Variants in LRRC4C observed in about 807,000 individuals in gnomAD.
LRRC4C encodes leucine-rich repeat-containing protein 4C.
Under a neutral mutation model 33.6 loss-of-function variants are expected in LRRC4C, and 5 were observed. The ratio of observed to expected loss-of-function variants is 0.15; its 90% CI spans 0.08 to 0.31. The LOEUF (loss-of-function observed/expected upper bound fraction) is 0.31. LRRC4C is among the 10% of genes least tolerant of loss of function. The pLI is 1.00. For missense variants in LRRC4C, 560 were observed against 796.7 expected, an observed-to-expected ratio of 0.70 and a Z score of 3.58; for synonymous variants, 329 against 302.0, an observed-to-expected ratio of 1.09 and a Z score of -0.93.
At chr11:40,407,707 T>C (rs1053313427) in intron 3 of LRRC4C, among the ~76,000 whole-genome samples, 2 of 152,132 alleles carry the variant, frequency 1.3e-5, no homozygotes, top group Admixed American at 1.3e-4. Flanking sequence ...TGACATACTT[T>C]TGTATTTAAC....
At chr11:41,339,617 G>A (rs540233630) in intron 1 of LRRC4C, among the ~76,000 whole-genome samples, 1 of 152,244 alleles carries the variant, frequency 6.6e-6, no homozygotes, top group East Asian at 1.9e-4. Flanking sequence ...GTGAGACGGA[G>A]ATCTTAAAAT....
In LRRC4C at chr11:40,690,298, C is replaced by G. The variant is rs148537179; in HGVS notation, c.-406-42020G>C. Among the ~76,000 whole-genome samples, 1,067 of 152,138 alleles carry G rather than the reference C, an allele frequency of 7.0e-3. 12 individuals carry two copies. The highest frequency in any genetic ancestry group is 0.025 in the African/African-American group (1,024 of 41,520). On this transcript the variant is annotated intron_variant, in intron 2 of 6. Coordinates refer to ENST00000528697, the MANE Select transcript of LRRC4C (RefSeq NM_001258419.2). ...CCATTTTACAATGTGGAAACTAAGG[C>G]TCAAAGAAGTTAAGAAATATGCCAA...
At position 41,036,517 on chromosome 11, in the gene LRRC4C, AG is replaced by A. The variant is rs548108291; in HGVS notation, c.-495-102795del. 1.2e-4 allele frequency among the ~76,000 whole-genome samples: 19 copies of A among 152,298 alleles called. No homozygotes were observed. In the South Asian group the frequency reaches 3.7e-3, roughly 30 times the overall value. On this transcript the variant is annotated intron_variant, in intron 1 of 6. Coordinates refer to ENST00000528697, the MANE Select transcript of LRRC4C (RefSeq NM_001258419.2). The stretch of plus-strand genomic sequence containing the variant: ...GATGCAAGAAGATTCAATAATTCAA[AG>A]GGTTGATAATAACCTGGAATCTGCT...
intron 2 of LRRC4C, among the ~76,000 whole-genome samples, chr11:40,732,955 T>TGAGGACTGTA (rs1214048827): frequency 6.6e-6 from 1 of 151,668 alleles, no homozygotes; most frequent in Non-Finnish European, 1.5e-5. Context: ...ATTTTACAGA[T>TGAGGACTGTA]GAGGACTGTA....
At chr11:40,801,536 T>C (rs924471935) in intron 2 of LRRC4C, among the ~76,000 whole-genome samples, 1 of 152,334 alleles carries the variant, frequency 6.6e-6, no homozygotes, top group African/African-American at 2.4e-5. Context: ...TGTTTACCAC[T>C]GTATGCTGTA....
At chr11:41,246,903 T>C (rs1025192992) in intron 1 of LRRC4C, among the ~76,000 whole-genome samples, 9 of 152,208 alleles carry the variant, frequency 5.9e-5, no homozygotes, top group African/African-American at 1.9e-4. Context: ...TTCTGAATTA[T>C]AAGAAACACC....
At chr11:41,145,473 G>A (rs1943688651) in intron 1 of LRRC4C, among the ~76,000 whole-genome samples, 1 of 117,512 alleles carries the variant, frequency 8.5e-6, no homozygotes, top group African/African-American at 3.0e-5. Flanking sequence ...TATAAATAAG[G>A]TTTTATTGAA....
chr11:41,188,899 C>T (rs1358689577), intron 1 of LRRC4C, among the ~76,000 whole-genome samples: 2 of 116,452 alleles, frequency 1.7e-5, no homozygotes, highest in African/African-American at 7.0e-5. Flanking sequence ...AAAACAGGAC[C>T]TGCCCCCCCC....
intron 1 of LRRC4C, among the ~76,000 whole-genome samples, chr11:41,151,899 A>G (rs1412147284): frequency 6.6e-6 from 1 of 152,232 alleles, no homozygotes; most frequent in African/African-American, 2.4e-5. Flanking sequence ...GTCTAATGTA[A>G]AAAGTTCAGC....
intron 1 of LRRC4C, among the ~76,000 whole-genome samples, chr11:40,988,986 C>T (rs1853303778): frequency 6.6e-6 from 1 of 151,986 alleles, no homozygotes; most frequent in African/African-American, 2.4e-5. Context: ...TCCTAAAGTG[C>T]TAGGATTACA....
At chr11:40,510,640 T>C (rs1276199103) in intron 3 of LRRC4C, among the ~76,000 whole-genome samples, 1 of 152,196 alleles carries the variant, frequency 6.6e-6, no homozygotes, top group Non-Finnish European at 1.5e-5. Context: ...AGCAAAATCA[T>C]TTTATATGTG....
At chr11:40,979,985 C>T (rs1272397279) in intron 1 of LRRC4C, among the ~76,000 whole-genome samples, 1 of 152,122 alleles carries the variant, frequency 6.6e-6, no homozygotes, top group Non-Finnish European at 1.5e-5. Context: ...ATTTCTGCGA[C>T]ATTTAGGTGG....
chr11:41,093,038 G>A (rs184077701), intron 1 of LRRC4C, among the ~76,000 whole-genome samples: 42 of 152,046 alleles, frequency 2.8e-4, no homozygotes, highest in African/African-American at 8.9e-4. Flanking sequence ...CAGTAGTAAC[G>A]GTATTATGTT....
intron 1 of LRRC4C, among the ~76,000 whole-genome samples, chr11:41,064,776 C>CAGA (rs1345214671): frequency 6.6e-6 from 1 of 152,188 alleles, no homozygotes; most frequent in Non-Finnish European, 1.5e-5. Flanking sequence ...ACAGAGGGAG[C>CAGA]AGAAGCAGGG....
At chr11:41,079,597 G>C (rs1032299372) in intron 1 of LRRC4C, among the ~76,000 whole-genome samples, 4 of 152,108 alleles carry the variant, frequency 2.6e-5, no homozygotes, top group Non-Finnish European at 4.4e-5. Flanking sequence ...CTATCAGTGA[G>C]CTTATTCGTA....
chr11:41,418,069 C>T (rs1471279878), intron 1 of LRRC4C, among the ~76,000 whole-genome samples: 1 of 151,774 alleles, frequency 6.6e-6, no homozygotes, highest in African/African-American at 2.4e-5. Flanking sequence ...AATTACTTGG[C>T]TAGCTCAAAT....
chr11:40,886,546 C>T (rs1018551908), intron 2 of LRRC4C, among the ~76,000 whole-genome samples: 1 of 151,582 alleles, frequency 6.6e-6, no homozygotes, highest in Non-Finnish European at 1.5e-5. Context: ...AAAGGGAGTT[C>T]TCTCTTTTTT....
intron 5 of LRRC4C, among the ~76,000 whole-genome samples, chr11:40,171,044 T>C (rs2135431494): frequency 6.6e-6 from 1 of 152,214 alleles, no homozygotes. Context: ...TAAAACCAAT[T>C]TTGGAAAAGG....
intron 3 of LRRC4C, among the ~76,000 whole-genome samples, chr11:40,453,601 C>T (rs1362081234): frequency 2.8e-5 from 4 of 141,386 alleles, no homozygotes; most frequent in Non-Finnish European, 4.6e-5. Context: ...ACCAAAACCA[C>T]AAAAAGGCAT....
Sources: gnomAD v4.1 joint callset for allele counts (sites outside exome capture counted in the v4.1 genomes callset) on GRCh38, gnomAD v4.1.1 for gene constraint, MANE v1.5 for transcripts, NCBI Gene and HGNC (gene_info 2026-07-23, HGNC 2026-07-21) for gene names.